The following ANK1 variants were observed in gnomAD, a reference collection of about 807,000 sequenced individuals.
ANK1 encodes ankyrin 1.
ANK1 carries 51 observed loss-of-function variants against 210.4 expected under a neutral mutation model. The observed-to-expected ratio is 0.24, with a 90% CI of 0.19 to 0.31. The LOEUF (loss-of-function observed/expected upper bound fraction) is 0.31. ANK1 is among the 10% of genes least tolerant of loss of function. The probability of loss-of-function intolerance (pLI) is 1.00; values close to 1 mark genes in which losing one functional copy is unlikely to be tolerated. For synonymous variants in ANK1, 967 were observed against 1,025.9 expected, an observed-to-expected ratio of 0.94 and a Z score of 1.10; for missense variants, 2,051 against 2,504.4, an observed-to-expected ratio of 0.82 and a Z score of 3.86.
intron 39 of ANK1, chr8:41,664,302 T>C (rs1248627229): frequency 2.7e-6 from 1 of 376,518 alleles, no homozygotes; most frequent in African/African-American, 2.1e-5. Context: ...CGAGCCCCCA[T>C]CTCTACAAAA....
intron 1 of ANK1, among the ~76,000 whole-genome samples, chr8:41,849,786 T>C (rs1194857759): frequency 1.3e-5 from 2 of 152,190 alleles, no homozygotes; most frequent in Non-Finnish European, 2.9e-5. Context: ...CGTCAGCACG[T>C]CACTCACAAT....
At chr8:41,831,560 A>T (rs1313234470) in intron 1 of ANK1, among the ~76,000 whole-genome samples, 2 of 150,496 alleles carry the variant, frequency 1.3e-5, no homozygotes, top group Admixed American at 1.3e-4. Flanking sequence ...AGGCAGAAGG[A>T]TTGCTTGAAC....
intron 1 of ANK1, among the ~76,000 whole-genome samples, chr8:41,764,717 G>A (rs1042724108): frequency 2.6e-5 from 4 of 152,176 alleles, no homozygotes; most frequent in Non-Finnish European, 5.9e-5. Context: ...ACCTGTGTGC[G>A]TGTTCGGGGA....
At chr8:41,827,321 G>C (rs1805556407) in intron 1 of ANK1, among the ~76,000 whole-genome samples, 1 of 152,216 alleles carries the variant, frequency 6.6e-6, no homozygotes, top group South Asian at 2.1e-4. Context: ...TCCCCTTGCT[G>C]GTGTGAATGA....
chr8:41,837,974 AGAG>A (rs1808097843), intron 1 of ANK1, among the ~76,000 whole-genome samples: 1 of 152,210 alleles, frequency 6.6e-6, no homozygotes, highest in Non-Finnish European at 1.5e-5. Flanking sequence ...CCTGAGTTTT[AGAG>A]GAGGGGTAAC....
chr8:41,671,229 A>C (rs1812172493), intron 38 of ANK1, among the ~76,000 whole-genome samples: 1 of 152,152 alleles, frequency 6.6e-6, no homozygotes, highest in East Asian at 1.9e-4. Flanking sequence ...TACAGCTGAA[A>C]GCTCCGTCCT....
chr8:41,717,995 C>T, intron 11 of ANK1, 111 bp downstream of exon 11: 4 of 1,046,798 alleles, frequency 3.8e-6, no homozygotes, highest in Admixed American at 2.0e-5. Flanking sequence ...TCCAGACTTG[C>T]AGACACACAC....
chr8:41,759,186 A>G (rs979279507), intron 1 of ANK1, among the ~76,000 whole-genome samples: 4 of 152,200 alleles, frequency 2.6e-5, no homozygotes, highest in Non-Finnish European at 5.9e-5. Flanking sequence ...GAAAAAAATT[A>G]AAAATAACAA....
At chr8:41,748,221 C>T (rs1836672141) in intron 2 of ANK1, among the ~76,000 whole-genome samples, 1 of 152,230 alleles carries the variant, frequency 6.6e-6, no homozygotes, top group Non-Finnish European at 1.5e-5. Flanking sequence ...CTTTCTTCCT[C>T]ATCCCTATTC....
intron 1 of ANK1, among the ~76,000 whole-genome samples, chr8:41,790,009 G>A (rs1000358737): frequency 1.3e-5 from 2 of 152,196 alleles, no homozygotes; most frequent in African/African-American, 4.8e-5. Context: ...TTTGTGAAGA[G>A]GGTGTTCAGA....
chr8:41,730,099 A>G (rs1831740223), intron 3 of ANK1, among the ~76,000 whole-genome samples: 1 of 152,216 alleles, frequency 6.6e-6, no homozygotes, highest in Non-Finnish European at 1.5e-5. Context: ...ACAAGCAGGG[A>G]CTTTGGACTC....
At chr8:41,723,349 G>T in intron 8 of ANK1, 126 bp from the exon 9 acceptor site, 1 of 1,186,508 alleles carries the variant, frequency 8.4e-7, no homozygotes, top group South Asian at 1.2e-5. Context: ...GCACCAGCTC[G>T]ACCTCAGCAC....
At chr8:41,849,294 C>T (rs1036294625) in intron 1 of ANK1, among the ~76,000 whole-genome samples, 1 of 152,236 alleles carries the variant, frequency 6.6e-6, no homozygotes, top group Non-Finnish European at 1.5e-5. Context: ...TTATCAACCT[C>T]ATCCCATGGC....
chr8:41,879,824 A>G (rs1356431268), intron 1 of ANK1, among the ~76,000 whole-genome samples: 2 of 152,222 alleles, frequency 1.3e-5, no homozygotes, highest in Non-Finnish European at 2.9e-5. Context: ...TCTCCTGTCC[A>G]TAAGAGAGGG....
intron 1 of ANK1, among the ~76,000 whole-genome samples, chr8:41,841,646 TG>T (rs1808922662): frequency 6.6e-6 from 1 of 152,122 alleles, no homozygotes; most frequent in Non-Finnish European, 1.5e-5. Context: ...GTTTCACAGG[TG>T]TGTGCAGATG....
At position 41,797,366 on chromosome 8, in the gene ANK1, C is replaced by CTAT; in HGVS notation, c.27+145_27+146insATA. 1 of 691,898 alleles carries CTAT rather than the reference C, an allele frequency of 1.4e-6. No individual in the cohort carries two copies. The highest frequency in any genetic ancestry group is 2.6e-6 in the Non-Finnish European group (1 of 388,420). 42.9% of individuals were successfully genotyped at this position (691,898 alleles called of 1,614,324 possible). A position where few individuals can be genotyped will look rare whatever the true frequency, so the allele number is the denominator to read the frequency against. On this transcript the variant is annotated intron_variant, in intron 1 of 42. Transcript: ENST00000289734. This position sits in a 1 kb window ranked among gnomAD's most constrained non-coding sequence, Gnocchi z 4.0. ...GCCTTCAGCTACAAGGTCGATGTGC[C>CTAT]GCTATGCTAAGGCAGGGAGCCCACG...
At position 41,696,695 on chromosome 8, in the gene ANK1, C is replaced by T. The variant is rs755101684; in HGVS notation, c.2716G>A (p.Ala906Thr). 1 of 1,603,532 alleles carries T rather than the reference C, an allele frequency of 6.2e-7. No individual in the cohort carries two copies. The highest frequency in any genetic ancestry group is 8.5e-7 in the Non-Finnish European group (1 of 1,179,894). The change falls in exon 25 of 43, where the codon GCC becomes ACC. Residue 906 changes from alanine (A) to threonine (T), a missense_variant. Coordinates refer to ENST00000289734, the MANE Select transcript of ANK1 (RefSeq NM_000037.4). ...TETSDNISPV[A>T]SPVHTGFLVS... ...ACTCACCCTGTATGCACCGGGCTGG[C>T]CACCGGGCTGATGTTGTCTGAGGTC...
At chr8:41,887,127 A>G (rs1412032082) in intron 1 of ANK1, among the ~76,000 whole-genome samples, 1 of 152,110 alleles carries the variant, frequency 6.6e-6, no homozygotes, top group African/African-American at 2.4e-5. Flanking sequence ...ACACACAGTC[A>G]GAGAAAGCCC....
At chr8:41,835,492 T>C (rs370951933) in intron 1 of ANK1, among the ~76,000 whole-genome samples, 57 of 151,504 alleles carry the variant, frequency 3.8e-4, no homozygotes, top group Middle Eastern at 3.4e-3. Flanking sequence ...AAAAAAAAGC[T>C]AGCAGGCGTA....
Sources: allele counts gnomAD v4.1 joint callset (sites outside exome capture counted in the v4.1 genomes callset), GRCh38; gene constraint gnomAD v4.1.1; non-coding constraint Gnocchi (gnomAD v3.1); transcripts MANE v1.5; gene names NCBI Gene and HGNC (gene_info 2026-07-23, HGNC 2026-07-21).